SGCD: variants seen among roughly 807,000 people sequenced by gnomAD.
The protein encoded by SGCD is sarcoglycan delta.
Under a neutral mutation model 36.6 loss-of-function variants are expected in SGCD, and 18 were observed. The observed-to-expected ratio is 0.49, with a 90% CI of 0.34 to 0.73. SGCD has a LOEUF of 0.73. SGCD is among the 30% of genes least tolerant of loss of function. SGCD has a pLI of 0.01. For synonymous variants in SGCD, 133 were observed against 130.6 expected, an observed-to-expected ratio of 1.02 and a Z score of -0.12; for missense variants, 387 against 346.7, an observed-to-expected ratio of 1.12 and a Z score of -0.92.
intron 4 of SGCD, among the ~76,000 whole-genome samples, chr5:156,586,000 A>G (rs1760476203): frequency 6.6e-6 from 1 of 152,048 alleles, no homozygotes; most frequent in Non-Finnish European, 1.5e-5. Flanking sequence ...TGTCACAATT[A>G]ATGAACCAAT....
intron 1 of SGCD, among the ~76,000 whole-genome samples, chr5:155,993,981 T>G (rs1458570861): frequency 6.6e-6 from 1 of 152,080 alleles, no homozygotes; most frequent in Non-Finnish European, 1.5e-5. Context: ...CAAGGTCAGG[T>G]TGAAAAAGAG....
intron 1 of SGCD, among the ~76,000 whole-genome samples, chr5:155,944,981 A>G (rs1023299726): frequency 2.0e-5 from 3 of 152,318 alleles, no homozygotes; most frequent in South Asian, 4.1e-4. Flanking sequence ...GAACAAACAC[A>G]TACCGAGAGT....
the SGCD span, among the ~76,000 whole-genome samples, chr5:155,861,936 T>C: frequency 6.6e-6 from 1 of 152,184 alleles, no homozygotes; most frequent in Non-Finnish European, 1.5e-5. Flanking sequence ...CCCATCCTAT[T>C]ACATTTTATG....
intron 3 of SGCD, among the ~76,000 whole-genome samples, chr5:156,211,367 GGA>G (rs1170112722): frequency 2.6e-5 from 4 of 152,134 alleles, no homozygotes; most frequent in African/African-American, 9.7e-5. Flanking sequence ...CAGCACTTTG[GGA>G]GGCCGAGGGG....
At chr5:155,896,936 GTTTC>G (rs1408900330) in intron 1 of SGCD, among the ~76,000 whole-genome samples, 2 of 152,130 alleles carry the variant, frequency 1.3e-5, no homozygotes, top group African/African-American at 4.8e-5. Context: ...GTGGTTCTTT[GTTTC>G]TTCATAAAAA....
At chr5:156,272,498 T>G (rs1259066206) in intron 3 of SGCD, among the ~76,000 whole-genome samples, 1 of 152,202 alleles carries the variant, frequency 6.6e-6, no homozygotes, top group Non-Finnish European at 1.5e-5. Context: ...TGCATATGTC[T>G]TTTTCATATA....
chr5:156,424,500 C>G (rs1166298684), intron 3 of SGCD, among the ~76,000 whole-genome samples: 3 of 152,076 alleles, frequency 2.0e-5, no homozygotes, highest in African/African-American at 7.2e-5. Context: ...ATACAGGAAA[C>G]CATTCCAAAT....
intron 1 of SGCD, among the ~76,000 whole-genome samples, chr5:155,893,875 G>A (rs1456970560): frequency 2.0e-5 from 3 of 152,204 alleles, no homozygotes; most frequent in Non-Finnish European, 4.4e-5. Flanking sequence ...GGTAAAGCCT[G>A]TTACTCTTAG....
intron 1 of SGCD, among the ~76,000 whole-genome samples, chr5:155,873,286 T>A (rs552712295): frequency 7.9e-5 from 12 of 152,044 alleles, no homozygotes; most frequent in Admixed American, 1.3e-4. Context: ...ATACATTTTT[T>A]AAAAAAAAGT....
chr5:156,509,714 A>G (rs1458500668), intron 4 of SGCD, among the ~76,000 whole-genome samples: 4 of 152,080 alleles, frequency 2.6e-5, no homozygotes. Context: ...TTTTCCTTTC[A>G]TTCCTTCTTT....
At chr5:156,059,513 T>C (rs375430191) in intron 1 of SGCD, among the ~76,000 whole-genome samples, 1 of 146,446 alleles carries the variant, frequency 6.8e-6, no homozygotes, top group East Asian at 1.9e-4. Context: ...CAGCTGGATT[T>C]ATCTGTCTTC....
chr5:156,373,904 A>G (rs993947053), intron 3 of SGCD, among the ~76,000 whole-genome samples: 19 of 152,218 alleles, frequency 1.2e-4, no homozygotes, highest in Admixed American at 1.1e-3. Flanking sequence ...GGAAAGACCA[A>G]CCAGACTGTG....
chr5:156,366,989 T>G (rs1770141794), intron 3 of SGCD, among the ~76,000 whole-genome samples: 1 of 152,212 alleles, frequency 6.6e-6, no homozygotes, highest in Non-Finnish European at 1.5e-5. Context: ...ATTTTAAGTG[T>G]CACAAAACAT....
intron 3 of SGCD, among the ~76,000 whole-genome samples, chr5:156,185,777 A>G (rs934454233): frequency 1.3e-5 from 2 of 148,952 alleles, no homozygotes; most frequent in Non-Finnish European, 3.0e-5. Flanking sequence ...GACTTTTAAA[A>G]ACAGTGGGCT....
intron 1 of SGCD, among the ~76,000 whole-genome samples, chr5:156,096,266 C>T (rs1581096908): frequency 6.6e-6 from 1 of 152,158 alleles, no homozygotes. Flanking sequence ...CCATATGGGC[C>T]ACCAAACATT....
chr5:156,299,345 C>G (rs1766989248), intron 3 of SGCD, among the ~76,000 whole-genome samples: 1 of 151,858 alleles, frequency 6.6e-6, no homozygotes. Context: ...TACCATAGCT[C>G]TGTAGTATAA....
intron 3 of SGCD, among the ~76,000 whole-genome samples, chr5:156,497,320 A>G (rs970008281): frequency 2.6e-5 from 4 of 152,152 alleles, no homozygotes; most frequent in Non-Finnish European, 5.9e-5. Flanking sequence ...GCAATTCAGT[A>G]GTAAAGAAAA....
At chr5:156,630,614 C>T (rs971794698) in intron 6 of SGCD, among the ~76,000 whole-genome samples, 3 of 152,126 alleles carry the variant, frequency 2.0e-5, no homozygotes, top group African/African-American at 7.2e-5. Context: ...TCTTAAATGA[C>T]TTATTAAAGC....
intron 3 of SGCD, among the ~76,000 whole-genome samples, chr5:156,358,398 T>C (rs1769596779): frequency 1.3e-5 from 2 of 152,246 alleles, no homozygotes; most frequent in Admixed American, 1.3e-4. Flanking sequence ...TTCTGACTTA[T>C]TTCCTAGTCT....
Sources: allele counts gnomAD v4.1 joint callset (sites outside exome capture counted in the v4.1 genomes callset), GRCh38; gene constraint gnomAD v4.1.1; transcripts MANE v1.5; gene names NCBI Gene and HGNC (gene_info 2026-07-23, HGNC 2026-07-21).